The following PCDHA9 variants were observed in gnomAD, a reference collection of about 807,000 sequenced individuals.
PCDHA9 encodes protocadherin alpha-9.
A neutral mutation model predicts 62.0 loss-of-function variants in PCDHA9; 62 were observed. The ratio of observed to expected loss-of-function variants is 1.00; its 90% CI spans 0.81 to 1.23. The LOEUF is 1.23. Among genes scored for constraint, PCDHA9 ranks in the 50% most tolerant of loss-of-function variants. The probability of loss-of-function intolerance (pLI) is 0.00; values close to 1 mark genes in which losing one functional copy is unlikely to be tolerated. For missense variants in PCDHA9, 1,205 were observed against 1,249.8 expected, an observed-to-expected ratio of 0.96 and a Z score of 0.54; for synonymous variants, 557 against 567.6, an observed-to-expected ratio of 0.98 and a Z score of 0.27.
intron 1 of PCDHA9, among the ~76,000 whole-genome samples, chr5:140,872,773 C>CTA (rs1354761914): frequency 6.6e-6 from 1 of 152,078 alleles, no homozygotes; most frequent in Non-Finnish European, 1.5e-5. Context: ...GCTATATTAT[C>CTA]TATAATATAT....
At chr5:140,998,099 CAGA>C (rs2097796305) in intron 3 of PCDHA9, among the ~76,000 whole-genome samples, 1 of 152,130 alleles carries the variant, frequency 6.6e-6, no homozygotes, top group African/African-American at 2.4e-5. Context: ...CTAGAGCAAA[CAGA>C]GGAGAAAATT....
intron 1 of PCDHA9, chr5:140,968,039 G>A (rs1016266543): frequency 1.7e-5 from 28 of 1,614,026 alleles, no homozygotes; most frequent in Non-Finnish European, 1.9e-5. Context: ...GGTGGTGAGC[G>A]GCCCACTGGA....
chr5:140,893,583 T>G (rs535910), intron 1 of PCDHA9, among the ~76,000 whole-genome samples: 7,078 of 152,294 alleles, frequency 0.046, 293 homozygotes, highest in African/African-American at 0.11. Context: ...TTTGCTTGTT[T>G]GGGAAATACT....
chr5:140,880,790 T>C (rs2058480985), intron 1 of PCDHA9, among the ~76,000 whole-genome samples: 1 of 152,190 alleles, frequency 6.6e-6, no homozygotes, highest in African/African-American at 2.4e-5. Flanking sequence ...AGAGGAGTAA[T>C]ATAAATAGGT....
intron 1 of PCDHA9, chr5:140,969,021 C>T (rs2096289420): frequency 8.1e-6 from 13 of 1,614,146 alleles, no homozygotes; most frequent in Non-Finnish European, 1.1e-5. Context: ...AGGGAAAGGT[C>T]CCCTGCAGAA....
intron 3 of PCDHA9, among the ~76,000 whole-genome samples, chr5:140,984,589 T>C (rs2097109638): frequency 6.6e-6 from 1 of 152,186 alleles, no homozygotes; most frequent in Non-Finnish European, 1.5e-5. Flanking sequence ...ATCATACTTT[T>C]CAATACATAC....
chr5:140,985,675 T>C (rs1477813786), intron 3 of PCDHA9, among the ~76,000 whole-genome samples: 1 of 151,998 alleles, frequency 6.6e-6, no homozygotes, highest in Non-Finnish European at 1.5e-5. Context: ...AAGTGGGGCC[T>C]GCCTTACGCT....
intron 1 of PCDHA9, chr5:140,927,853 G>T: frequency 6.2e-7 from 1 of 1,614,214 alleles, no homozygotes; most frequent in Non-Finnish European, 8.5e-7. Context: ...CTTTGGTTTA[G>T]CTAGCACCGC....
At chr5:140,862,741 G>A (rs2153223703) in intron 1 of PCDHA9, 1 of 577,348 alleles carries the variant, frequency 1.7e-6, no homozygotes. Context: ...CTATGTGTGG[G>A]TGCACGCGGA....
At chr5:140,973,628 T>G (rs1005772685) in intron 1 of PCDHA9, among the ~76,000 whole-genome samples, 13 of 152,250 alleles carry the variant, frequency 8.5e-5, no homozygotes, top group Admixed American at 2.6e-4. Context: ...TTCTGTATCT[T>G]GTACACATTC....
intron 1 of PCDHA9, chr5:140,876,266 A>T: frequency 6.2e-7 from 1 of 1,614,012 alleles, no homozygotes; most frequent in South Asian, 1.1e-5. Context: ...ATCCAACTAA[A>T]TGCTTCCGAT....
chr5:140,871,973 T>C (rs2053419799), intron 1 of PCDHA9, among the ~76,000 whole-genome samples: 1 of 152,254 alleles, frequency 6.6e-6, no homozygotes, highest in African/African-American at 2.4e-5. Context: ...CTTCCTATGA[T>C]GTCCAGGTTG....
intron 1 of PCDHA9, chr5:140,868,179 A>G (rs1220525883): frequency 1.3e-5 from 2 of 152,152 alleles, no homozygotes; most frequent in African/African-American, 2.4e-5. Context: ...GATATCTCAT[A>G]TTATGCTACT....
At chr5:140,867,175 C>T (rs782419499) in intron 1 of PCDHA9, 5 of 152,056 alleles carry the variant, frequency 3.3e-5, no homozygotes, top group Admixed American at 1.3e-4. Context: ...GGTTCATTTC[C>T]CTACCTCGCA....
chr5:140,920,570 G>A (rs2153557888), intron 1 of PCDHA9, among the ~76,000 whole-genome samples: 1 of 152,186 alleles, frequency 6.6e-6, no homozygotes, highest in Non-Finnish European at 1.5e-5. Flanking sequence ...CTTAGGCCAG[G>A]AGCAGTGGCT....
intron 1 of PCDHA9, among the ~76,000 whole-genome samples, chr5:140,906,729 G>T (rs1444256364): frequency 1.3e-5 from 2 of 152,184 alleles, no homozygotes; most frequent in Admixed American, 1.3e-4. Flanking sequence ...TGCTGTTGTA[G>T]TTTCCCATTG....
intron 1 of PCDHA9, chr5:140,929,740 A>G (rs2086345950): frequency 5.1e-6 from 1 of 196,656 alleles, no homozygotes; most frequent in African/African-American, 2.3e-5. Context: ...AACTATTGCA[A>G]TGCATTATTA....
At chr5:140,925,189 C>A (rs1488098385) in intron 1 of PCDHA9, among the ~76,000 whole-genome samples, 2 of 152,116 alleles carry the variant, frequency 1.3e-5, no homozygotes, top group African/African-American at 4.8e-5. Flanking sequence ...TACCATCACC[C>A]AGCTTCAATA....
intron 1 of PCDHA9, among the ~76,000 whole-genome samples, chr5:140,919,033 G>T (rs149900813): frequency 6.6e-6 from 1 of 152,282 alleles, no homozygotes; most frequent in African/African-American, 2.4e-5. Flanking sequence ...CTGCCTAGTT[G>T]TTGTCCATTA....
Sources: allele counts gnomAD v4.1 joint callset (sites outside exome capture counted in the v4.1 genomes callset), GRCh38; gene constraint gnomAD v4.1.1; transcripts MANE v1.5; gene names NCBI Gene and HGNC (gene_info 2026-07-23, HGNC 2026-07-21).